The following MLKL variants were observed in gnomAD, a reference collection of about 807,000 sequenced individuals.
The protein encoded by MLKL is mixed lineage kinase domain like pseudokinase, also known as mixed lineage kinase domain-like protein.
Under a neutral mutation model 56.5 loss-of-function variants are expected in MLKL, and 55 were observed. The ratio of observed to expected loss-of-function variants is 0.97; its 90% CI spans 0.78 to 1.22. MLKL has a LOEUF of 1.22. Ranked by LOEUF, MLKL falls within the 50% of genes most tolerant of loss-of-function variation. The probability of loss-of-function intolerance (pLI) is 0.00; values close to 1 mark genes in which losing one functional copy is unlikely to be tolerated. For missense variants in MLKL, 694 were observed against 573.9 expected (o/e 1.21, Z -2.14); for synonymous variants, 251 against 208.3 (o/e 1.20, Z -1.76).
chr16:74,683,882 G>C (rs1960153596), intron 5 of MLKL, among the ~76,000 whole-genome samples: 1 of 152,158 alleles, frequency 6.6e-6, no homozygotes, highest in African/African-American at 2.4e-5. Flanking sequence ...ACTGACATGT[G>C]ACTGAGCCAG....
intron 4 of MLKL, among the ~76,000 whole-genome samples, chr16:74,686,654 T>TA (rs989210849): frequency 6.6e-6 from 1 of 152,158 alleles, no homozygotes; most frequent in Non-Finnish European, 1.5e-5. Context: ...ACGTGGGCCT[T>TA]AAAAAATGTA....
At chr16:74,693,502 GA>G (rs1196007980) in intron 2 of MLKL, among the ~76,000 whole-genome samples, 1 of 97,910 alleles carries the variant, frequency 1.0e-5, no homozygotes, top group Non-Finnish European at 2.3e-5. Context: ...AGAAAGAAAA[GA>G]AAAAAAAAGT....
Position 74,674,707 on chromosome 16 carries a change from G to C in MLKL, c.1381+253C>G, listed in dbSNP as rs181354424. 1.5e-3 allele frequency among the ~76,000 whole-genome samples: 221 copies of C among 151,990 alleles called. 1 individual carries two copies. The South Asian group carries it at 0.015, about 10-fold the overall frequency. On this transcript the variant is annotated intron_variant, in intron 10 of 10. Coordinates refer to ENST00000308807, the MANE Select transcript of MLKL (RefSeq NM_152649.4). ...ATCTGCCCATCTCAGCCTCCCAAAG[G>C]GCTAGAATTACAGGCATGAGCAACC...
In MLKL at chr16:74,675,364, G is replaced by A. The variant is rs1413494823; in HGVS notation, c.1231C>T (p.Pro411Ser). ...TCTTCACATTCTTCACCTTGAAACG[G>A]GATATCTCCAGTGGCGATTTCCCAG... ...VLWEIATGDIPFQGCNSEKIR... is the reference protein window; with the variant it reads ...VLWEIATGDISFQGCNSEKIR... Residue 411 changes from proline (P) to serine (S), a missense_variant, in exon 9 of 11, where the codon CCG (proline) becomes TCG (serine). Coordinates refer to ENST00000308807, the MANE Select transcript of MLKL (RefSeq NM_152649.4). 1.2e-6 allele frequency: 2 copies of A among 1,613,970 alleles called. No individual in the cohort carries two copies. Among genetic ancestry groups the A allele is most frequent in the South Asian group, 1.1e-5 (1 of 91,088 alleles).
intron 5 of MLKL, among the ~76,000 whole-genome samples, chr16:74,683,606 A>AAG (rs1265959690): frequency 4.6e-5 from 7 of 152,066 alleles, no homozygotes; most frequent in Non-Finnish European, 8.8e-5. Flanking sequence ...AAAAAAAAAA[A>AAG]AAAAATTCTT....
intron 2 of MLKL, among the ~76,000 whole-genome samples, chr16:74,694,932 G>A (rs1960931588): frequency 6.6e-6 from 1 of 152,152 alleles, no homozygotes; most frequent in Non-Finnish European, 1.5e-5. Flanking sequence ...GAGTGCAGTG[G>A]CGCGATCTCA....
At chr16:74,672,919 A>G (rs1269764297) in intron 10 of MLKL, among the ~76,000 whole-genome samples, 2 of 152,154 alleles carry the variant, frequency 1.3e-5, no homozygotes, top group Non-Finnish European at 2.9e-5. Context: ...CCCAAAGACC[A>G]ATTTTTCAGA....
intron 5 of MLKL, among the ~76,000 whole-genome samples, chr16:74,684,922 T>C (rs540841372): frequency 6.6e-6 from 1 of 151,958 alleles, no homozygotes; most frequent in African/African-American, 2.4e-5. Context: ...TGGAATGCAA[T>C]GGTGCACCCT....
chr16:74,683,952 T>C (rs1311852016), intron 5 of MLKL, among the ~76,000 whole-genome samples: 2 of 152,138 alleles, frequency 1.3e-5, no homozygotes, highest in Admixed American at 1.3e-4. Flanking sequence ...TATTTTTTAT[T>C]TTTTAATTTT....
chr16:74,695,458 G>C lies in MLKL; in HGVS notation c.300C>G (p.Asp100Glu), dbSNP rs33987771. The change falls in exon 2 of 11, where the codon GAC (aspartate) becomes GAG (glutamate). Residue 100 changes from aspartate to glutamate, a missense_variant. Transcript: ENST00000308807. ...TASQDKILFK[D>E]VNRKLSDVWK... Reference sequence around the variant, plus strand: ...AGACATCACTCAGCTTCCTGTTCACGTCCTTGAAGAGTATTTTGTCCTGGC... The same window carrying C: ...AGACATCACTCAGCTTCCTGTTCACCTCCTTGAAGAGTATTTTGTCCTGGC... The C allele has an allele frequency of 1.8e-3, 2,838 of 1,614,160 alleles. 49 individuals carry two copies. In the African/African-American group the frequency reaches 0.034, roughly 19 times the overall value.
Position 74,695,729 on chromosome 16 carries a change from A to C in MLKL, c.29T>G (p.Leu10Arg), listed in dbSNP as rs749561556. ...ACACCGTTTGTGGATGACCTGGCCA[A>C]GGGTGATAATATGCTTCAAATTTTC... The part of the protein sequence containing the change: MENLKHIIT[L>R]GQVIHKRCEE... Residue 10 changes from leucine (L) to arginine (R), a missense_variant, in exon 2 of 11, where the codon CTT becomes CGT. Leu to Arg is a moderately radical substitution (Grantham distance 102). Coordinates refer to ENST00000308807, the MANE Select transcript of MLKL (RefSeq NM_152649.4). The C allele has an allele frequency of 1.8e-4, 282 of 1,605,682 alleles. No homozygotes were observed. The highest frequency in any genetic ancestry group is 2.4e-4 in the Non-Finnish European group (279 of 1,176,260).
At chr16:74,695,795 A>G (rs1961003624) in intron 1 of MLKL, 36 bp from the exon 2 acceptor site, 1 of 1,523,454 alleles carries the variant, frequency 6.6e-7, no homozygotes, top group Non-Finnish European at 8.9e-7. Flanking sequence ...GAAATCCCCA[A>G]ATCTCCTGCA....
Position 74,695,736 on chromosome 16 carries a change from T to G in MLKL, c.22A>C (p.Ile8Leu). MENLKHI[I>L]TLGQVIHKRC... is the part of the protein sequence containing the mutation. ...TTGTGGATGACCTGGCCAAGGGTGA[T>G]AATATGCTTCAAATTTTCCATGCCT... is the stretch of plus-strand genomic sequence containing the variant. Residue 8 changes from isoleucine to leucine, a missense_variant, in exon 2 of 11, where the codon ATC becomes CTC. Coordinates refer to ENST00000308807, the MANE Select transcript of MLKL (RefSeq NM_152649.4). 6.3e-7 allele frequency: 1 copy of G among 1,591,938 alleles called. No homozygotes were observed. The highest frequency in any genetic ancestry group is 8.6e-7 in the Non-Finnish European group (1 of 1,169,264).
chr16:74,685,357 C>G, intron 5 of MLKL, 129 bp downstream of exon 5: 1 of 688,382 alleles, frequency 1.5e-6, no homozygotes, highest in East Asian at 2.8e-5. Context: ...AAAAAATTAA[C>G]ATTGATAATA....
At chr16:74,679,666 A>G (rs1372823017) in intron 6 of MLKL, among the ~76,000 whole-genome samples, 1 of 152,062 alleles carries the variant, frequency 6.6e-6, no homozygotes, top group Non-Finnish European at 1.5e-5. Context: ...ATACAAAAAA[A>G]TAGCTGGGCG....
chr16:74,681,599 C>A (rs1193335572), intron 6 of MLKL, among the ~76,000 whole-genome samples: 1 of 151,686 alleles, frequency 6.6e-6, no homozygotes, highest in Admixed American at 6.6e-5. Flanking sequence ...CGATACCATC[C>A]TGGCTAACAT....
At chr16:74,679,293 C>T (rs982856028) in intron 6 of MLKL, among the ~76,000 whole-genome samples, 3 of 152,124 alleles carry the variant, frequency 2.0e-5, no homozygotes, top group African/African-American at 4.8e-5. Context: ...TGGGCAGATC[C>T]GAGAGCTCAG....
chr16:74,685,718 T>C (rs1470449492), intron 4 of MLKL, 135 bp from the exon 5 acceptor site: 2 of 674,068 alleles, frequency 3.0e-6, no homozygotes, highest in Non-Finnish European at 5.3e-6. Flanking sequence ...CAGGATGAAC[T>C]CAGCTACTGA....
At chr16:74,676,038 C>T (rs1049684238) in intron 7 of MLKL, 1 of 430,528 alleles carries the variant, frequency 2.3e-6, no homozygotes, top group Non-Finnish European at 4.0e-6. Context: ...TTATAAAGCA[C>T]CAGTAAGACC....
Sources: gnomAD v4.1 joint callset for allele counts (sites outside exome capture counted in the v4.1 genomes callset) on GRCh38, gnomAD v4.1.1 for gene constraint, MANE v1.5 for transcripts, NCBI Gene and HGNC (gene_info 2026-07-23, HGNC 2026-07-21) for gene names.